DYRK1A: variants seen among roughly 807,000 people sequenced by gnomAD.
The protein encoded by DYRK1A is dual specificity tyrosine-phosphorylation-regulated kinase 1A.
DYRK1A carries 9 observed loss-of-function variants against 79.7 expected under a neutral mutation model. The observed-to-expected ratio is 0.11, with a 90% CI of 0.07 to 0.20. The LOEUF (loss-of-function observed/expected upper bound fraction) is 0.20. Among genes scored for constraint, DYRK1A ranks in the 10% least tolerant of loss-of-function variants. The pLI is 1.00. For synonymous variants in DYRK1A, 349 were observed against 329.7 expected (o/e 1.06, Z -0.63); for missense variants, 622 against 956.0 (o/e 0.65, Z 4.61).
At chr21:37,479,465 T>C (rs2052521336) in intron 4 of DYRK1A, among the ~76,000 whole-genome samples, 1 of 152,086 alleles carries the variant, frequency 6.6e-6, no homozygotes, top group Admixed American at 6.5e-5. Context: ...AAGTAGACTT[T>C]TTCTGATGTT....
At chr21:37,459,426 A>G (rs1372276607) in intron 2 of DYRK1A, among the ~76,000 whole-genome samples, 1 of 152,168 alleles carries the variant, frequency 6.6e-6, no homozygotes, top group African/African-American at 2.4e-5. Flanking sequence ...GACCCCAAAT[A>G]TTTGTTCATT....
At chr21:37,434,774 A>G (rs924173784) in intron 2 of DYRK1A, among the ~76,000 whole-genome samples, 1 of 152,240 alleles carries the variant, frequency 6.6e-6, no homozygotes, top group African/African-American at 2.4e-5. Context: ...CCACCTGGGA[A>G]TACTTGAGAC....
At chr21:37,480,303 T>C (rs547401837) in intron 4 of DYRK1A, among the ~76,000 whole-genome samples, 1 of 152,332 alleles carries the variant, frequency 6.6e-6, no homozygotes, top group East Asian at 1.9e-4. Flanking sequence ...TTGGTAACTT[T>C]TGTCAAAATT....
rs2053951761 is a variant in DYRK1A at position 37,523,912 on chromosome 21, T to G, written c.*11381T>G. ...ATGAGAATATGTGGCATTCTCATCA[T>G]TTTGCCCTGCCGCTCTGTGCAATGT... On this transcript the variant is annotated 3_prime_UTR_variant, in exon 12 of 12. Transcript: ENST00000647188. 1 of 152,234 alleles carries G rather than the reference T, an allele frequency of 6.6e-6. No homozygotes were observed. Among genetic ancestry groups the G allele is most frequent in the Non-Finnish European group, 1.5e-5 (1 of 68,040 alleles). 9.4% of individuals were successfully genotyped at this position (152,234 alleles called of 1,614,324 possible). A position where few individuals can be genotyped will look rare whatever the true frequency, so the allele number is the denominator to read the frequency against.
chr21:37,378,221 A>G (rs1247097719), intron 1 of DYRK1A, among the ~76,000 whole-genome samples: 2 of 152,244 alleles, frequency 1.3e-5, no homozygotes, highest in Non-Finnish European at 2.9e-5. Context: ...TCTTCATCAG[A>G]TGTATGTTAT....
At chr21:37,369,864 C>CT (rs1377012869) in intron 1 of DYRK1A, among the ~76,000 whole-genome samples, 1 of 152,210 alleles carries the variant, frequency 6.6e-6, no homozygotes, top group African/African-American at 2.4e-5. Flanking sequence ...CTATTAGAAA[C>CT]TTAACACATT....
chr21:37,478,093 T>C, intron 3 of DYRK1A, 115 bp from the exon 4 acceptor site: 1 of 1,395,648 alleles, frequency 7.2e-7, no homozygotes, highest in Non-Finnish European at 9.8e-7. Flanking sequence ...AATGTGTAGC[T>C]GTCTTTAAAA....
At chr21:37,506,247 G>A (rs748119143) in intron 11 of DYRK1A, 24 bp downstream of exon 11, 1 of 1,613,862 alleles carries the variant, frequency 6.2e-7, no homozygotes, top group Admixed American at 1.7e-5. Flanking sequence ...TGGTTCATTT[G>A]CTTGTGTCAC....
At chr21:37,449,823 G>A (rs2051389210) in intron 2 of DYRK1A, among the ~76,000 whole-genome samples, 1 of 152,074 alleles carries the variant, frequency 6.6e-6, no homozygotes. Context: ...TTACTTTCAA[G>A]TCTAGTCAAG....
At chr21:37,384,700 A>G (rs1458484238) in intron 1 of DYRK1A, among the ~76,000 whole-genome samples, 1 of 152,208 alleles carries the variant, frequency 6.6e-6, no homozygotes. Flanking sequence ...TGAAACCTAG[A>G]ACTCACACAG....
chr21:37,439,525 A>G lies in DYRK1A; in HGVS notation c.10+19141A>G, dbSNP rs140705312. Among the ~76,000 whole-genome samples the G allele has an allele frequency of 4.6e-3, 707 of 152,316 alleles. 4 individuals carry two copies. The highest frequency in any genetic ancestry group is 8.3e-3 in the Non-Finnish European group (563 of 68,020). On this transcript the variant is annotated intron_variant, in intron 2 of 11. Coordinates refer to ENST00000647188, the MANE Select transcript of DYRK1A (RefSeq NM_001347721.2). ...GGCCGCACAGCAGGAGGTGCCGAGC[A>G]CTACCACCTGAGCTCTGCCTCTTTT...
intron 1 of DYRK1A, among the ~76,000 whole-genome samples, chr21:37,407,603 A>T (rs1363622426): frequency 1.3e-5 from 2 of 152,234 alleles, no homozygotes; most frequent in Non-Finnish European, 2.9e-5. Flanking sequence ...TCCACATTTG[A>T]TAAAGGAACG....
chr21:37,405,447 TC>T (rs1299599062), intron 1 of DYRK1A, among the ~76,000 whole-genome samples: 1 of 152,226 alleles, frequency 6.6e-6, no homozygotes, highest in Non-Finnish European at 1.5e-5. Context: ...TTTGCAGGCA[TC>T]TATGCATGAC....
chr21:37,471,313 C>T (rs998530300), intron 2 of DYRK1A, among the ~76,000 whole-genome samples: 10 of 152,148 alleles, frequency 6.6e-5, no homozygotes, highest in African/African-American at 1.9e-4. Flanking sequence ...TGTTGAGTCT[C>T]GTTGACTGCG....
chr21:37,414,130 A>T (rs952634541), intron 1 of DYRK1A, among the ~76,000 whole-genome samples: 1 of 152,082 alleles, frequency 6.6e-6, no homozygotes, highest in Non-Finnish European at 1.5e-5. Flanking sequence ...GGGTGGTGGA[A>T]TTTTATTAGG....
chr21:37,412,174 C>A (rs940852446), intron 1 of DYRK1A, among the ~76,000 whole-genome samples: 5 of 152,006 alleles, frequency 3.3e-5, no homozygotes, highest in African/African-American at 1.2e-4. Context: ...CAAGAAGGGG[C>A]AAATTTCAGG....
intron 4 of DYRK1A, among the ~76,000 whole-genome samples, chr21:37,479,916 C>T (rs373080232): frequency 3.4e-4 from 52 of 152,076 alleles, no homozygotes; most frequent in Non-Finnish European, 6.2e-4. Context: ...TGTGAGCCAC[C>T]GCGCCTGGCC....
At chr21:37,442,443 G>A (rs2051136800) in intron 2 of DYRK1A, among the ~76,000 whole-genome samples, 1 of 152,088 alleles carries the variant, frequency 6.6e-6, no homozygotes, top group Admixed American at 6.6e-5. Flanking sequence ...TACTCATTTG[G>A]AATTCTGAGG....
At chr21:37,439,104 T>C (rs2051012647) in intron 2 of DYRK1A, among the ~76,000 whole-genome samples, 1 of 152,226 alleles carries the variant, frequency 6.6e-6, no homozygotes, top group Non-Finnish European at 1.5e-5. Flanking sequence ...GTTACAGTAC[T>C]AGCACATAGA....
Sources: allele counts gnomAD v4.1 joint callset (sites outside exome capture counted in the v4.1 genomes callset), GRCh38; gene constraint gnomAD v4.1.1; transcripts MANE v1.5; gene names NCBI Gene and HGNC (gene_info 2026-07-23, HGNC 2026-07-21).